SLC25A48: variants seen among roughly 807,000 people sequenced by gnomAD.
SLC25A48 encodes CTC-321K16.1.
In SLC25A48, 29 loss-of-function variants were observed where a neutral mutation model predicts 32.2. The observed-to-expected ratio is 0.90, with a 90% CI of 0.67 to 1.23. SLC25A48 has a LOEUF of 1.23. Among genes scored for constraint, SLC25A48 ranks in the 50% most tolerant of loss-of-function variants. SLC25A48 has a pLI of 0.00. For missense variants in SLC25A48, 399 were observed against 422.7 expected, an observed-to-expected ratio of 0.94 and a Z score of 0.49; for synonymous variants, 164 against 172.3, an observed-to-expected ratio of 0.95 and a Z score of 0.38.
intron 6 of SLC25A48, chr5:135,874,669 C>G (rs1025654007): frequency 2.4e-5 from 17 of 701,720 alleles, no homozygotes; most frequent in Admixed American, 2.0e-4. Context: ...GAGGAGGCAG[C>G]CTCCAACACG....
chr5:135,839,297 G>T (rs1746095719), intron 1 of SLC25A48, among the ~76,000 whole-genome samples: 1 of 152,156 alleles, frequency 6.6e-6, no homozygotes, highest in African/African-American at 2.4e-5. Context: ...CCCACCTCTT[G>T]CATTAGTGTG....
chr5:135,871,292 T>C (rs1761623220), intron 4 of SLC25A48, among the ~76,000 whole-genome samples, 169 bp from the exon 5 acceptor site: 1 of 152,178 alleles, frequency 6.6e-6, no homozygotes, highest in Non-Finnish European at 1.5e-5. Context: ...GGGGCTCTTG[T>C]TGGGACCTCA....
At chr5:135,719,444 G>A (rs1754894763) in intron 3 of SLC25A48, among the ~76,000 whole-genome samples, 1 of 152,138 alleles carries the variant, frequency 6.6e-6, no homozygotes, top group African/African-American at 2.4e-5. Flanking sequence ...AGCACAAAGA[G>A]TGGAATCCTG....
At chr5:135,619,626 A>G (rs955019535) in intron 1 of SLC25A48, among the ~76,000 whole-genome samples, 2 of 152,094 alleles carry the variant, frequency 1.3e-5, no homozygotes, top group East Asian at 1.9e-4. Context: ...ACTTCTTCCA[A>G]TGTTTTGAAT....
intron 1 of SLC25A48, among the ~76,000 whole-genome samples, chr5:135,836,136 C>T (rs1758483890): frequency 6.6e-6 from 1 of 152,150 alleles, no homozygotes; most frequent in Admixed American, 6.5e-5. Flanking sequence ...GGTAGGGATG[C>T]AAATGGCTTG....
At chr5:135,848,853 A>C (rs901913320) in intron 2 of SLC25A48, among the ~76,000 whole-genome samples, 9 of 152,216 alleles carry the variant, frequency 5.9e-5, no homozygotes, top group Non-Finnish European at 1.0e-4. Flanking sequence ...ATATGTTTAT[A>C]AAACTATTCA....
At chr5:135,859,192 A>G (rs1760579010) in intron 4 of SLC25A48, among the ~76,000 whole-genome samples, 1 of 152,174 alleles carries the variant, frequency 6.6e-6, no homozygotes, top group Non-Finnish European at 1.5e-5. Flanking sequence ...TAATTCATAA[A>G]GAAAAGAGGT....
chr5:135,658,685 C>T (rs544314858), intron 3 of SLC25A48, among the ~76,000 whole-genome samples: 26 of 152,350 alleles, frequency 1.7e-4, no homozygotes, highest in South Asian at 6.2e-4. Context: ...TCTGCCTAGA[C>T]ATCAGGTATT....
intron 7 of SLC25A48, among the ~76,000 whole-genome samples, chr5:135,880,359 C>G (rs893860184): frequency 1.3e-5 from 2 of 152,044 alleles, no homozygotes; most frequent in Admixed American, 1.3e-4. Context: ...CTCTCCGTTT[C>G]CCCTTCCAGC....
At chr5:135,774,983 A>T (rs747826973) in intron 3 of SLC25A48, among the ~76,000 whole-genome samples, 1 of 151,716 alleles carries the variant, frequency 6.6e-6, no homozygotes, top group Non-Finnish European at 1.5e-5. Flanking sequence ...CCCGCTTGTG[A>T]TATTGTTCCT....
rs901158446 is a variant in SLC25A48, at chr5:135,666,619, A to T, written c.-521+31663A>T. ...TGAAGGCCCTAGGAAGATTTGGAAAAGCTTTGATTTCTAATAGAAGCCTGT... is the reference window on the plus strand; with the variant it reads ...TGAAGGCCCTAGGAAGATTTGGAAATGCTTTGATTTCTAATAGAAGCCTGT... On this transcript the variant is annotated intron_variant, in intron 3 of 10. Transcript: ENST00000646290. Among the ~76,000 whole-genome samples the T allele has an allele frequency of 3.9e-5, 6 of 152,048 alleles. No individual in the cohort carries two copies. In the South Asian group the frequency reaches 8.3e-4, roughly 21 times the overall value.
chr5:135,670,202 C>A (rs541423909), intron 3 of SLC25A48, among the ~76,000 whole-genome samples: 2 of 152,248 alleles, frequency 1.3e-5, no homozygotes, highest in African/African-American at 4.8e-5. Context: ...AGTCCCTTAA[C>A]TTTTCTGAGT....
At chr5:135,667,366 C>A (rs1204680970) in intron 3 of SLC25A48, among the ~76,000 whole-genome samples, 1 of 152,150 alleles carries the variant, frequency 6.6e-6, no homozygotes, top group Non-Finnish European at 1.5e-5. Context: ...TTGCTTTGAA[C>A]CTTTGAAGTA....
At chr5:135,876,777 C>T (rs1170249826) in intron 6 of SLC25A48, among the ~76,000 whole-genome samples, 1 of 152,126 alleles carries the variant, frequency 6.6e-6, no homozygotes, top group Non-Finnish European at 1.5e-5. Flanking sequence ...AAAATAATCA[C>T]ACCATCTAAA....
chr5:135,700,371 C>CAAAAA (rs34125451), intron 3 of SLC25A48, among the ~76,000 whole-genome samples: 83 of 67,604 alleles, frequency 1.2e-3, no homozygotes, highest in South Asian at 2.4e-3. Context: ...GACTCTGTCT[C>CAAAAA]AAAAAAAAAA....
intron 7 of SLC25A48, among the ~76,000 whole-genome samples, chr5:135,885,985 C>A (rs555075227): frequency 6.6e-6 from 1 of 151,782 alleles, no homozygotes; most frequent in East Asian, 1.9e-4. Context: ...ATTGAAAAAC[C>A]CTTGAAGGAT....
intron 3 of SLC25A48, among the ~76,000 whole-genome samples, chr5:135,663,345 G>A (rs890625580): frequency 1.2e-4 from 19 of 152,104 alleles, no homozygotes; most frequent in African/African-American, 4.3e-4. Flanking sequence ...TTTTTGTTGA[G>A]GGAGCCGTTT....
At chr5:135,873,963 C>T in intron 5 of SLC25A48, 58 bp from the exon 6 acceptor site, 1 of 1,469,894 alleles carries the variant, frequency 6.8e-7, no homozygotes. Context: ...TGCAAGGAAC[C>T]AGGCCCCTCC....
At chr5:135,667,516 A>G (rs1290980017) in intron 3 of SLC25A48, among the ~76,000 whole-genome samples, 1 of 152,156 alleles carries the variant, frequency 6.6e-6, no homozygotes, top group Non-Finnish European at 1.5e-5. Context: ...CTTTCAAAAC[A>G]GCTTGTGTAA....
Sources: allele counts gnomAD v4.1 joint callset (sites outside exome capture counted in the v4.1 genomes callset), GRCh38; gene constraint gnomAD v4.1.1; transcripts MANE v1.5; gene names NCBI Gene and HGNC (gene_info 2026-07-23, HGNC 2026-07-21).